Variants in RPS6KA6 observed in about 807,000 individuals in gnomAD.
The protein encoded by RPS6KA6 is ribosomal protein S6 kinase A6, also known as ribosomal protein S6 kinase alpha-6.
A neutral mutation model predicts 65.4 loss-of-function variants in RPS6KA6; 27 were observed. The observed-to-expected ratio is 0.41, with a 90% CI of 0.30 to 0.57. The LOEUF is 0.57. Among genes scored for constraint, RPS6KA6 ranks in the 20% least tolerant of loss-of-function variants. The pLI is 0.24. For synonymous variants in RPS6KA6, 190 were observed against 184.2 expected (o/e 1.03, Z -0.26); for missense variants, 486 against 555.6 (o/e 0.87, Z 1.26).
chrX:84,068,260 C>T (rs2033449091), intron 20 of RPS6KA6, among the ~76,000 whole-genome samples: 1 of 111,795 alleles, frequency 8.9e-6, no homozygotes, highest in Non-Finnish European at 1.9e-5. Flanking sequence ...CAAATTCACA[C>T]GTAACAATAT....
chrX:84,100,172 G>A (rs1443117330), intron 18 of RPS6KA6, among the ~76,000 whole-genome samples: 1 of 110,868 alleles, frequency 9.0e-6, no homozygotes, highest in African/African-American at 3.3e-5. Flanking sequence ...AAAGTATTTT[G>A]AAAATACAAA....
chrX:84,108,382 T>C (rs1039972295), intron 12 of RPS6KA6, among the ~76,000 whole-genome samples: 2 of 112,173 alleles, frequency 1.8e-5, no homozygotes, highest in African/African-American at 6.5e-5. Flanking sequence ...AGTGGGCTAG[T>C]GGATGCCTCT....
chrX:84,087,333 T>C (rs2033946570), intron 20 of RPS6KA6, among the ~76,000 whole-genome samples: 1 of 111,637 alleles, frequency 9.0e-6, no homozygotes, highest in Non-Finnish European at 1.9e-5. Context: ...TCGGGAGCTC[T>C]TGCAAGGCAG....
Position 84,187,874 on chromosome X carries a change from T to C in RPS6KA6, c.26A>G (p.Glu9Gly), listed in dbSNP as rs759515878. 8 of 1,201,177 alleles carry C rather than the reference T, an allele frequency of 6.7e-6. No individual in the cohort carries two copies. In the South Asian group the frequency reaches 1.3e-4, roughly 19 times the overall value. The change falls in exon 1 of 22, where the codon GAG (glutamate) becomes GGG (glycine). Residue 9 changes from glutamate to glycine, a missense_variant. Physicochemically the swap from Glu to Gly is moderately conservative, Grantham distance 98 (BLOSUM62 -2). Around this residue, in one of 3 missense-constraint regions of RPS6KA6, gnomAD observed 106 missense variants for 105.0 expected, o/e 1.01. Transcript: ENST00000262752. ...CACTTCCATTTCTCGGTCCCAGGGC[T>C]CGTCCTGAGGAGCGAATGGTAGCAT... Reference protein sequence around the residue: MLPFAPQDEPWDREMEVFS... With the variant: MLPFAPQDGPWDREMEVFS...
chrX:84,137,356 C>T (rs1372891607), intron 6 of RPS6KA6, among the ~76,000 whole-genome samples: 1 of 111,533 alleles, frequency 9.0e-6, no homozygotes, highest in African/African-American at 3.3e-5. Flanking sequence ...CTAAACATTC[C>T]CCTTCTTGAC....
intron 1 of RPS6KA6, among the ~76,000 whole-genome samples, chrX:84,179,519 C>A (rs1365414016): frequency 8.9e-6 from 1 of 111,740 alleles, no homozygotes; most frequent in African/African-American, 3.2e-5. Context: ...GAAAGAACTA[C>A]TGATACACAT....
intron 12 of RPS6KA6, among the ~76,000 whole-genome samples, chrX:84,109,421 T>C (rs990253814): frequency 1.4e-4 from 15 of 110,814 alleles, no homozygotes; most frequent in Non-Finnish European, 1.7e-4. Context: ...CACCAGAGCG[T>C]TCTGTGATAA....
intron 6 of RPS6KA6, 103 bp downstream of exon 6, chrX:84,145,375 C>T (rs1056053187): frequency 6.1e-6 from 3 of 493,668 alleles, no homozygotes; most frequent in Non-Finnish European, 6.7e-6. Flanking sequence ...AGAGTAGTTA[C>T]CATTTAAAAT....
chrX:84,096,561 A>C (rs1422711412), intron 19 of RPS6KA6, among the ~76,000 whole-genome samples: 1 of 111,637 alleles, frequency 9.0e-6, no homozygotes, highest in African/African-American at 3.2e-5. Context: ...ATCAATGTAA[A>C]ATAAAATAAA....
intron 20 of RPS6KA6, among the ~76,000 whole-genome samples, chrX:84,086,567 A>T (rs1418363887): frequency 9.1e-6 from 1 of 110,187 alleles, no homozygotes; most frequent in Non-Finnish European, 1.9e-5. Context: ...TTTGCTGAGG[A>T]GTGTTTTATT....
chrX:84,106,331 A>C, intron 15 of RPS6KA6, 34 bp downstream of exon 15: 2 of 1,180,074 alleles, frequency 1.7e-6, no homozygotes, highest in Non-Finnish European at 2.3e-6. Context: ...TACATGCATA[A>C]AACAAACAAG....
chrX:84,111,152 T>C (rs1162323373), intron 12 of RPS6KA6, among the ~76,000 whole-genome samples: 1 of 85,977 alleles, frequency 1.2e-5, no homozygotes, highest in Admixed American at 1.4e-4. Context: ...AATTAAAGAA[T>C]AAATAATTTT....
intron 20 of RPS6KA6, among the ~76,000 whole-genome samples, chrX:84,074,404 C>T (rs2033613993): frequency 2.7e-5 from 3 of 111,087 alleles, no homozygotes; most frequent in South Asian, 3.8e-4. Flanking sequence ...CAAATGGGTA[C>T]AAAATTATAG....
At chrX:84,071,655 G>A (rs2033545722) in intron 20 of RPS6KA6, among the ~76,000 whole-genome samples, 1 of 111,352 alleles carries the variant, frequency 9.0e-6, no homozygotes, top group African/African-American at 3.3e-5. Flanking sequence ...AAATGAAAAA[G>A]AGTTGGTTTT....
chrX:84,071,751 G>T (rs185838441), intron 20 of RPS6KA6, among the ~76,000 whole-genome samples: 2 of 111,514 alleles, frequency 1.8e-5, no homozygotes, highest in South Asian at 3.7e-4. Context: ...CAATGGAAAA[G>T]AAGACATTAC....
upstream of RPS6KA6, among the ~76,000 whole-genome samples, chrX:84,188,473 T>G (rs1233949694): frequency 9.0e-6 from 1 of 111,314 alleles, no homozygotes; most frequent in Non-Finnish European, 1.9e-5. Flanking sequence ...AAGCCCCTGC[T>G]AGCGCCTCGG....
intron 1 of RPS6KA6, among the ~76,000 whole-genome samples, chrX:84,187,177 T>C (rs12556543): frequency 0.55 from 60,780 of 110,190 alleles, 13,694 homozygotes; most frequent in Non-Finnish European, 0.71. Context: ...AAGAGTGCAG[T>C]AGAATCAAGG....
In RPS6KA6 at chrX:84,135,153, C is replaced by G. The variant is rs1356980974; in HGVS notation, c.559G>C (p.Asp187His). The G allele has an allele frequency of 8.3e-7, 1 of 1,205,437 alleles. No homozygotes were observed. Among genetic ancestry groups the G allele is most frequent in the East Asian group, 3.0e-5 (1 of 33,571 alleles). ...FYLAELALAL[D>H]HLHQLGIVYR... The stretch of plus-strand genomic sequence containing the variant: ...ACAATTCCTAATTGGTGCAGATGAT[C>G]CAAAGCAAGGGCCAGTTCTGCGAGG... Residue 187 changes from aspartate to histidine, a missense_variant, in exon 7 of 22, where the codon GAT becomes CAT. Physicochemically the swap from Asp to His is moderately conservative, Grantham distance 81. Transcript: ENST00000262752.
At chrX:84,125,979 A>C (rs2034775896) in intron 8 of RPS6KA6, among the ~76,000 whole-genome samples, 1 of 111,901 alleles carries the variant, frequency 8.9e-6, no homozygotes, top group Non-Finnish European at 1.9e-5. Flanking sequence ...AACAACTAAA[A>C]AAATGGCATG....
Sources: allele counts gnomAD v4.1 joint callset (sites outside exome capture counted in the v4.1 genomes callset), GRCh38; gene constraint gnomAD v4.1.1; regional missense constraint gnomAD v4.1.1; transcripts MANE v1.5; gene names NCBI Gene and HGNC (gene_info 2026-07-23, HGNC 2026-07-21).